The following PLEKHA8 variants were observed in gnomAD, a reference collection of about 807,000 sequenced individuals.
PLEKHA8 encodes pleckstrin homology domain containing A8.
A neutral mutation model predicts 68.2 loss-of-function variants in PLEKHA8; 36 were observed. The observed-to-expected ratio is 0.53, with a 90% CI of 0.40 to 0.70. The LOEUF (loss-of-function observed/expected upper bound fraction) is 0.70, where lower values mean the gene tolerates loss of function less well. Ranked by LOEUF, PLEKHA8 falls within the 30% of genes least tolerant of loss-of-function variation. The probability of loss-of-function intolerance (pLI) is 0.00; values close to 1 mark genes in which losing one functional copy is unlikely to be tolerated. For synonymous variants in PLEKHA8, 211 were observed against 216.1 expected, an observed-to-expected ratio of 0.98 and a Z score of 0.20; for missense variants, 505 against 615.4, an observed-to-expected ratio of 0.82 and a Z score of 1.90.
chr7:30,050,531 T>C (rs1279791540), intron 6 of PLEKHA8, 57 bp downstream of exon 6: 112 of 1,469,850 alleles, frequency 7.6e-5, no homozygotes, highest in Non-Finnish European at 1.0e-4. Flanking sequence ...ATATTGTTAT[T>C]CCTTGTTTAA....
chr7:30,056,034 C>A (rs1295564630), intron 9 of PLEKHA8, among the ~76,000 whole-genome samples: 1 of 151,280 alleles, frequency 6.6e-6, no homozygotes, highest in Non-Finnish European at 1.5e-5. Context: ...GCTCCGCCCC[C>A]CAGGTTCATG....
In PLEKHA8 at chr7:30,049,459, T is replaced by C. The variant is rs1792235216; in HGVS notation, c.597+77T>C. The C allele has an allele frequency of 1.0e-5, 16 of 1,534,136 alleles. No individual in the cohort carries two copies. The South Asian group carries it at 2.0e-4, about 19-fold the overall frequency. On this transcript the variant is annotated intron_variant, in intron 5 of 13. Transcript: ENST00000449726. ...AGTTTATAGTGAGTTATGTTCTCTA[T>C]TACCCTTTAGTGACTTATAAAGACA... is the stretch of plus-strand genomic sequence containing the variant.
chr7:30,092,557 C>T (rs1193814320), downstream of PLEKHA8, among the ~76,000 whole-genome samples: 1 of 152,184 alleles, frequency 6.6e-6, no homozygotes, highest in African/African-American at 2.4e-5. Flanking sequence ...AATGGCTGAG[C>T]ATTAGGATGC....
chr7:30,058,352 C>G (rs866005686), intron 9 of PLEKHA8, among the ~76,000 whole-genome samples: 1 of 151,968 alleles, frequency 6.6e-6, no homozygotes, highest in East Asian at 1.9e-4. Flanking sequence ...AAATCTTTAC[C>G]TATCCCAAAG....
intron 12 of PLEKHA8, among the ~76,000 whole-genome samples, chr7:30,064,941 G>A (rs1205716993): frequency 2.0e-5 from 3 of 152,176 alleles, no homozygotes; most frequent in African/African-American, 4.8e-5. Context: ...AAGAGCTGGG[G>A]TGGAACGGAA....
At chr7:30,064,432 A>G (rs1793674354) in intron 12 of PLEKHA8, among the ~76,000 whole-genome samples, 1 of 152,114 alleles carries the variant, frequency 6.6e-6, no homozygotes, top group Admixed American at 6.5e-5. Flanking sequence ...AGTCCCAGCT[A>G]CTTAGGGGGC....
chr7:30,073,736 C>T (rs1794418767), intron 12 of PLEKHA8, among the ~76,000 whole-genome samples: 1 of 151,822 alleles, frequency 6.6e-6, no homozygotes, highest in South Asian at 2.1e-4. Flanking sequence ...ACCTGTAGTC[C>T]CAATGCTTTA....
intron 12 of PLEKHA8, among the ~76,000 whole-genome samples, chr7:30,065,232 A>G (rs527540741): frequency 2.0e-5 from 3 of 152,316 alleles, no homozygotes; most frequent in Non-Finnish European, 4.4e-5. Context: ...ACAATTTTCA[A>G]TGGAAAAGAG....
At position 30,049,346 on chromosome 7, in the gene PLEKHA8, A is replaced by G; in HGVS notation, c.561A>G (p.Pro187=). The G allele has an allele frequency of 1.9e-6, 3 of 1,614,184 alleles. No individual in the cohort carries two copies. The highest frequency in any genetic ancestry group is 2.5e-6 in the Non-Finnish European group (3 of 1,180,006). The change falls in exon 5 of 14, where the codon CCA becomes CCG. Residue 187 remains proline, a synonymous_variant. Transcript: ENST00000449726. The part of the protein sequence containing the change: ...FTSELLYRTP[P]GSPQLAMLKS... ...CTGAGCTGCTCTACCGCACTCCACC[A>G]GGATCACCTCAGCTGGCCATGCTCA...
At chr7:30,042,191 C>T (rs1791595846) in intron 1 of PLEKHA8, among the ~76,000 whole-genome samples, 1 of 152,196 alleles carries the variant, frequency 6.6e-6, no homozygotes, top group Non-Finnish European at 1.5e-5. Context: ...AGCCTGCTAG[C>T]ATGGAACTTA....
At chr7:30,043,392 G>A (rs1394720880) in intron 1 of PLEKHA8, among the ~76,000 whole-genome samples, 2 of 152,124 alleles carry the variant, frequency 1.3e-5, no homozygotes, top group African/African-American at 2.4e-5. Flanking sequence ...AGGCCTAAGG[G>A]TTCCTGACCT....
At position 30,042,988 on chromosome 7, in the gene PLEKHA8, G is replaced by GTCTAGAAGCATCACCTT. The variant is rs1475966688; in HGVS notation, c.41-2095_41-2079dup. Among the ~76,000 whole-genome samples, 4 of 139,210 alleles carry GTCTAGAAGCATCACCTT rather than the reference G, an allele frequency of 2.9e-5. No individual in the cohort carries two copies. In the East Asian group the frequency reaches 7.9e-4, roughly 27 times the overall value. 91.3% of individuals were successfully genotyped at this position (139,210 alleles called of 152,430 possible). A position where few individuals can be genotyped will look rare whatever the true frequency, so the allele number is the denominator to read the frequency against. ...AGTTTTTGTAGAACTTGAAGCCAAG[G>GTCTAGAAGCATCACCTT]TCTAGAAGCATCACCTTTTTTGTTT... On this transcript the variant is annotated intron_variant, in intron 1 of 13. Coordinates refer to ENST00000449726, the MANE Select transcript of PLEKHA8 (RefSeq NM_001197026.2).
intron 13 of PLEKHA8, chr7:30,116,060 GCATACGTATACATGTATA>G (rs1459070364): frequency 4.2e-5 from 6 of 141,548 alleles, no homozygotes; most frequent in Admixed American, 1.4e-4. Context: ...ACATACGTAT[GCATACGTATACATGTATA>G]CATACGCATA....
At chr7:30,066,338 A>G (rs921254414) in intron 12 of PLEKHA8, among the ~76,000 whole-genome samples, 3 of 152,214 alleles carry the variant, frequency 2.0e-5, no homozygotes, top group Admixed American at 1.3e-4. Context: ...CCTTTCTGGA[A>G]AATGCATCTC....
At chr7:30,031,877 G>A (rs187670042) in intron 1 of PLEKHA8, among the ~76,000 whole-genome samples, 1 of 152,150 alleles carries the variant, frequency 6.6e-6, no homozygotes, top group East Asian at 1.9e-4. Context: ...TAGCGTCTGA[G>A]GTTTATGTGA....
chr7:30,105,144 C>A (rs1796011540), intron 13 of PLEKHA8, among the ~76,000 whole-genome samples: 1 of 151,806 alleles, frequency 6.6e-6, no homozygotes, highest in Non-Finnish European at 1.5e-5. Flanking sequence ...GCTCATTTCC[C>A]AGTATGTAAA....
downstream of PLEKHA8, among the ~76,000 whole-genome samples, chr7:30,091,374 T>C (rs1245775356): frequency 6.6e-6 from 1 of 152,118 alleles, no homozygotes; most frequent in Non-Finnish European, 1.5e-5. Flanking sequence ...TTAAAAATCA[T>C]TGTAGAGTGT....
chr7:30,056,312 C>CTCTCTCTCTCTCTCTCTCTCTATA (rs796845171), intron 9 of PLEKHA8, among the ~76,000 whole-genome samples: 4 of 94,556 alleles, frequency 4.2e-5, no homozygotes, highest in African/African-American at 3.9e-5. Context: ...CTCTCTCTCT[C>CTCTCTCTCTCTCTCTCTCTCTATA]TATATATATA....
intron 12 of PLEKHA8, chr7:30,090,119 A>C: frequency 7.8e-6 from 12 of 1,533,206 alleles, no homozygotes; most frequent in Non-Finnish European, 1.1e-5. Context: ...TGAAGGAAGG[A>C]ATCTTTAGAT....
Sources: gnomAD v4.1 joint callset for allele counts (sites outside exome capture counted in the v4.1 genomes callset) on GRCh38, gnomAD v4.1.1 for gene constraint, MANE v1.5 for transcripts, NCBI Gene and HGNC (gene_info 2026-07-23, HGNC 2026-07-21) for gene names.